The following CFAP57 variants were observed in gnomAD, a reference collection of about 807,000 sequenced individuals.
The protein encoded by CFAP57 is cilia- and flagella-associated protein 57.
Under a neutral mutation model 146.8 loss-of-function variants are expected in CFAP57, and 116 were observed. That is an observed-to-expected ratio of 0.79 (90% CI 0.68 to 0.92). The LOEUF (loss-of-function observed/expected upper bound fraction) is 0.92, where lower values mean the gene tolerates loss of function less well. Among genes scored for constraint, CFAP57 ranks in the 40% least tolerant of loss-of-function variants. CFAP57 has a pLI of 0.00. For synonymous variants in CFAP57, 518 were observed against 552.8 expected, an observed-to-expected ratio of 0.94 and a Z score of 0.88; for missense variants, 1,377 against 1,527.2, an observed-to-expected ratio of 0.90 and a Z score of 1.64.
intron 6 of CFAP57, among the ~76,000 whole-genome samples, chr1:43,193,456 A>C (rs1329900768): frequency 6.6e-6 from 1 of 152,022 alleles, no homozygotes; most frequent in Non-Finnish European, 1.5e-5. Context: ...TTTCACATTA[A>C]GTAAAATTTT....
At chr1:43,186,377 C>T (rs1056180560) in intron 5 of CFAP57, among the ~76,000 whole-genome samples, 1 of 151,836 alleles carries the variant, frequency 6.6e-6, no homozygotes, top group Non-Finnish European at 1.5e-5. Flanking sequence ...TTTGGAAGGC[C>T]GAGGCGGGCG....
chr1:43,210,358 G>T (rs942321658), intron 11 of CFAP57: 1 of 1,325,676 alleles, frequency 7.5e-7, no homozygotes, highest in South Asian at 1.8e-5. Context: ...TTTGTAAATT[G>T]TCCTTCCATT....
chr1:43,232,587 G>C lies in CFAP57; in HGVS notation c.3089G>C (p.Arg1030Thr). Residue 1030 changes from arginine (R) to threonine (T), a missense_variant, in exon 19 of 23, where the codon AGA becomes ACA. By Grantham distance (71) the Arg-to-Thr change is moderately conservative. Transcript: ENST00000372492. The stretch of plus-strand genomic sequence containing the variant: ...ATCACAGAATTGTGGCAGAAACTGA[G>C]AGCCACCGATCAGGAGATGCGCAGA... ...LNITELWQKL[R>T]ATDQEMRRER... 1.9e-6 allele frequency: 3 copies of C among 1,549,254 alleles called. No individual in the cohort carries two copies. Among genetic ancestry groups the C allele is most frequent in the Non-Finnish European group, 2.6e-6 (3 of 1,145,990 alleles).
rs140116789 is a variant in CFAP57 at position 43,237,666 on chromosome 1, G to A, written c.3405+3028G>A. 5.3e-3 allele frequency among the ~76,000 whole-genome samples: 803 copies of A among 152,320 alleles called. 9 individuals carry two copies. The highest frequency in any genetic ancestry group is 0.018 in the African/African-American group (766 of 41,564). On this transcript the variant is annotated intron_variant, in intron 21 of 22. Transcript: ENST00000372492. ...AACAAGTCAGGGAAGAGACTTCCAG[G>A]CTGTGGGAACAACCTGAGAAAAAGC...
In CFAP57 at chr1:43,221,389, A is replaced by G; in HGVS notation, c.2265A>G (p.Lys755=). The G allele has an allele frequency of 1.3e-6, 2 of 1,542,818 alleles. No homozygotes were observed. The highest frequency in any genetic ancestry group is 2.4e-5 in the South Asian group (2 of 82,514). Residue 755 remains lysine (K), a synonymous_variant, in exon 14 of 23, where the codon AAA becomes AAG. Coordinates refer to ENST00000372492, the MANE Select transcript of CFAP57 (RefSeq NM_001378189.1). ...TGTTTTAGGTCTTAAGAACAGAAAAAGAGAAGCAGGATGTTTATCACCATG... is the reference window on the plus strand; with the variant it reads ...TGTTTTAGGTCTTAAGAACAGAAAAGGAGAAGCAGGATGTTTATCACCATG... ...KTKNQVLRTE[K]EKQDVYHHEH...
chr1:43,197,357 A>C (rs1469058862), intron 6 of CFAP57, among the ~76,000 whole-genome samples, 196 bp from the exon 7 acceptor site: 1 of 152,146 alleles, frequency 6.6e-6, no homozygotes, highest in African/African-American at 2.4e-5. Flanking sequence ...ACTCCATCTC[A>C]AACATAAAAT....
At chr1:43,250,707 C>T (rs980313340) in intron 22 of CFAP57, among the ~76,000 whole-genome samples, 2 of 152,176 alleles carry the variant, frequency 1.3e-5, no homozygotes, top group South Asian at 4.1e-4. Context: ...TGGGCTTGAT[C>T]GACCTGCAAA....
At position 43,199,280 on chromosome 1, in the gene CFAP57, T is replaced by G. The variant is rs1161432074; in HGVS notation, c.1429-110T>G. 4.0e-6 allele frequency: 4 copies of G among 994,916 alleles called. No individual in the cohort carries two copies. In the East Asian group the frequency reaches 9.5e-5, roughly 24 times the overall value. The allele number at this position is 994,916 out of a possible 1,614,324, so 61.6% of individuals were successfully genotyped here. A position where few individuals can be genotyped will look rare whatever the true frequency, so the allele number is the denominator to read the frequency against. The stretch of plus-strand genomic sequence containing the variant: ...TTGCACCTTCCCCCCACTCCCACCC[T>G]CACACGTAGTTTCAGTCTGAACTCG... On this transcript the variant is annotated intron_variant, in intron 8 of 22. Transcript: ENST00000372492.
At position 43,251,624 on chromosome 1, in the gene CFAP57, A is replaced by G. The variant is rs139196394; in HGVS notation, c.3539-2353A>G. On this transcript the variant is annotated intron_variant, in intron 22 of 22. Coordinates refer to ENST00000372492, the MANE Select transcript of CFAP57 (RefSeq NM_001378189.1). ...ATTTCACAAATGAAAAAACAAAGCA[A>G]TTATTAACTTTAGGAAACACAAATT... 2.6e-5 allele frequency among the ~76,000 whole-genome samples: 4 copies of G among 152,406 alleles called. No individual in the cohort carries two copies. The East Asian group carries it at 7.7e-4, about 29-fold the overall frequency.
rs528534402 is a variant in CFAP57, at chr1:43,183,673, C to G, written c.557C>G (p.Thr186Ser). 1.4e-4 allele frequency: 222 copies of G among 1,614,202 alleles called. 2 individuals carry two copies. The South Asian group carries it at 2.3e-3, about 17-fold the overall frequency. Residue 186 changes from threonine to serine, a missense_variant, in exon 4 of 23, where the codon ACC becomes AGC. Thr to Ser is a moderately conservative substitution (Grantham distance 58). Coordinates refer to ENST00000372492, the MANE Select transcript of CFAP57 (RefSeq NM_001378189.1). ...AAGCTTCTCCGTTTTGCTGAGGGAACCCTGAAGCAAACCAGCTTTCAGAGG... is the reference window on the plus strand; with the variant it reads ...AAGCTTCTCCGTTTTGCTGAGGGAAGCCTGAAGCAAACCAGCTTTCAGAGG... ...MFKLLRFAEG[T>S]LKQTSFQRGE...
rs1044630603 is a variant in CFAP57, at chr1:43,224,156, A to G, written c.2817A>G (p.Gln939=). ...TTAAGTCTCTGGAGAAGGACATCCA[A>G]GGCCTCAAGCGAGAGATCCAGGAAA... ...GVIKSLEKDI[Q]GLKREIQERD... The change falls in exon 17 of 23, where the codon CAA becomes CAG. Residue 939 remains glutamine (Q), a synonymous_variant. Coordinates refer to ENST00000372492, the MANE Select transcript of CFAP57 (RefSeq NM_001378189.1). 6.5e-7 allele frequency: 1 copy of G among 1,550,002 alleles called. No individual in the cohort carries two copies. The highest frequency in any genetic ancestry group is 1.4e-5 in the African/African-American group (1 of 73,026).
rs561666226 is a variant in CFAP57, at chr1:43,229,320, T to G, written c.3009+2194T>G. Among the ~76,000 whole-genome samples, 22 of 149,004 alleles carry G rather than the reference T, an allele frequency of 1.5e-4. 1 individual carries two copies. The highest frequency in any genetic ancestry group is 4.6e-4 in the Admixed American group (7 of 15,148). On this transcript the variant is annotated intron_variant, in intron 18 of 22. Coordinates refer to ENST00000372492, the MANE Select transcript of CFAP57 (RefSeq NM_001378189.1). ...CAGGGGCCAACCGTGGCCTTGATGCTCAGCAGGGAATACACTTGCACCTTG... is the reference window on the plus strand; with the variant it reads ...CAGGGGCCAACCGTGGCCTTGATGCGCAGCAGGGAATACACTTGCACCTTG...
Position 43,185,454 on chromosome 1 carries a change from G to A in CFAP57, c.969+98G>A, listed in dbSNP as rs1642992181. The A allele has an allele frequency of 2.7e-6, 3 of 1,122,532 alleles. No individual in the cohort carries two copies. The African/African-American group carries it at 4.6e-5, about 17-fold the overall frequency. 69.5% of individuals were successfully genotyped at this position (1,122,532 alleles called of 1,614,324 possible). A position where few individuals can be genotyped will look rare whatever the true frequency, so the allele number is the denominator to read the frequency against. ...AGAAGGCATCTGATGGGGAGGGATAGGGCAGGATTGCTGAGCAGAAATGGT... is the reference window on the plus strand; with the variant it reads ...AGAAGGCATCTGATGGGGAGGGATAAGGCAGGATTGCTGAGCAGAAATGGT... On this transcript the variant is annotated intron_variant, in intron 5 of 22. Coordinates refer to ENST00000372492, the MANE Select transcript of CFAP57 (RefSeq NM_001378189.1).
Position 43,197,670 on chromosome 1 carries a change from C to A in CFAP57, c.1240C>A (p.Arg414Ser), listed in dbSNP as rs769777868. ...CACCTGTTCTCTGGATCGATCCATC[C>A]GCCTTTGGAATTATGAAACAAAGTA... ...IATCSLDRSI[R>S]LWNYETNTLE... The change falls in exon 7 of 23, where the codon CGC (arginine) becomes AGC (serine). Residue 414 changes from arginine (R) to serine (S), a missense_variant. Physicochemically the swap from Arg to Ser is moderately radical, Grantham distance 110 (BLOSUM62 -1). Coordinates refer to ENST00000372492, the MANE Select transcript of CFAP57 (RefSeq NM_001378189.1). 6.2e-7 allele frequency: 1 copy of A among 1,614,118 alleles called. No individual in the cohort carries two copies. Among genetic ancestry groups the A allele is most frequent in the South Asian group, 1.1e-5 (1 of 91,080 alleles).
chr1:43,253,160 G>A (rs989386956), intron 22 of CFAP57, among the ~76,000 whole-genome samples: 1 of 152,178 alleles, frequency 6.6e-6, no homozygotes, highest in Non-Finnish European at 1.5e-5. Context: ...GGAAGATGGA[G>A]GAAGAAACTC....
rs1220229984 is a variant in CFAP57 at position 43,201,763 on chromosome 1, G to A, written c.1542+2260G>A. The stretch of plus-strand genomic sequence containing the variant: ...CCTGAGTAGCTGGGATTACAGGCAT[G>A]TACCACCACACCCGGGTAATTTTGT... On this transcript the variant is annotated intron_variant, in intron 9 of 22. Transcript: ENST00000372492. The surrounding 1 kb of genome is among the most constrained non-coding windows in gnomAD (Gnocchi z 4.4). Among the ~76,000 whole-genome samples the A allele has an allele frequency of 6.6e-6, 1 of 152,198 alleles. No homozygotes were observed. Among genetic ancestry groups the A allele is most frequent in the Non-Finnish European group, 1.5e-5 (1 of 68,036 alleles).
chr1:43,252,282 T>C (rs1456440644), intron 22 of CFAP57, among the ~76,000 whole-genome samples: 3 of 152,142 alleles, frequency 2.0e-5, no homozygotes, highest in East Asian at 3.8e-4. Flanking sequence ...AAACTGTTTG[T>C]GTCAATCTTG....
At chr1:43,175,538 TCTCA>T (rs1645138900) in intron 2 of CFAP57, among the ~76,000 whole-genome samples, 1 of 152,012 alleles carries the variant, frequency 6.6e-6, no homozygotes, top group Non-Finnish European at 1.5e-5. Context: ...AGAAACCAGG[TCTCA>T]CTCTGTTGCC....
chr1:43,176,137 AT>A (rs1414133574), intron 2 of CFAP57, among the ~76,000 whole-genome samples: 1 of 152,072 alleles, frequency 6.6e-6, no homozygotes, highest in Non-Finnish European at 1.5e-5. Context: ...CCCTGTGCCC[AT>A]CCTTCAGGCC....
Sources: allele counts gnomAD v4.1 joint callset (sites outside exome capture counted in the v4.1 genomes callset), GRCh38; gene constraint gnomAD v4.1.1; non-coding constraint Gnocchi (gnomAD v3.1); transcripts MANE v1.5; gene names NCBI Gene and HGNC (gene_info 2026-07-23, HGNC 2026-07-21).